Variants in ZNF248 observed in about 807,000 individuals in gnomAD.
ZNF248 encodes the protein KRAB protein domain.
ZNF248 carries 20 observed loss-of-function variants against 44.3 expected under a neutral mutation model. The ratio of observed to expected loss-of-function variants is 0.45; its 90% CI spans 0.32 to 0.66. ZNF248 has a LOEUF of 0.66. Among genes scored for constraint, ZNF248 ranks in the 30% least tolerant of loss-of-function variants. The pLI is 0.04. For missense variants in ZNF248, 654 were observed against 677.0 expected (o/e 0.97, Z 0.38); for synonymous variants, 224 against 229.0 (o/e 0.98, Z 0.20).
At chr10:37,785,289 A>C (rs1480882378) in intron 6 of ZNF248, among the ~76,000 whole-genome samples, 1 of 152,210 alleles carries the variant, frequency 6.6e-6, no homozygotes, top group Non-Finnish European at 1.5e-5. Flanking sequence ...TTTCAAAAGC[A>C]GCTCCTGTGT....
intron 1 of ZNF248, chr10:37,856,889 G>T: frequency 4.9e-6 from 1 of 204,484 alleles, no homozygotes; most frequent in Non-Finnish European, 8.6e-6. Context: ...TGCCTCTAAG[G>T]AATGACAAGA....
intron 6 of ZNF248, chr10:37,819,640 C>T (rs995069348): frequency 1.2e-6 from 1 of 810,102 alleles, no homozygotes; most frequent in Non-Finnish European, 2.2e-6. Context: ...CTAGCCTTTC[C>T]AGCTCTGCCT....
At chr10:37,814,992 T>C (rs897093625) in intron 6 of ZNF248, among the ~76,000 whole-genome samples, 2 of 152,236 alleles carry the variant, frequency 1.3e-5, no homozygotes, top group South Asian at 2.1e-4. Flanking sequence ...GCTTTCTCTA[T>C]CTGGCACTCC....
rs1564573152 is a variant in ZNF248, at chr10:37,832,159, T to G, written c.1196A>C (p.Gln399Pro). The G allele has an allele frequency of 6.2e-7, 1 of 1,614,130 alleles. No individual in the cohort carries two copies. Among genetic ancestry groups the G allele is most frequent in the Admixed American group, 1.7e-5 (1 of 60,012 alleles). Residue 399 changes from glutamine (Q) to proline (P), a missense_variant, in exon 6 of 6, where the codon CAG becomes CCG. Transcript: ENST00000395867. ...GGGCTTCTCTCCTGTGTGTGTTCTC[T>G]GATGTTGAGTGAGGTTTGACTTCTC... Reference protein sequence around the residue: ...FWEKSNLTQHQRTHTGEKPYE... With the variant: ...FWEKSNLTQHPRTHTGEKPYE...
At chr10:37,784,824 T>C (rs551789930) in intron 6 of ZNF248, among the ~76,000 whole-genome samples, 9 of 152,146 alleles carry the variant, frequency 5.9e-5, no homozygotes, top group African/African-American at 1.2e-4. Context: ...CTTGGTAAGA[T>C]AAGTGTTTGG....
Position 37,830,338 on chromosome 10 carries a change from C to T in ZNF248, c.*1277G>A, listed in dbSNP as rs2133852261. 1.0e-6 allele frequency: 1 copy of T among 985,302 alleles called. No homozygotes were observed. The highest frequency in any genetic ancestry group is 1.7e-5 in the African/African-American group (1 of 57,300). 61.0% of individuals were successfully genotyped at this position (985,302 alleles called of 1,614,324 possible). A position where few individuals can be genotyped will look rare whatever the true frequency, so the allele number is the denominator to read the frequency against. ...TAGTTCAATAATGGCCATATTCATG[C>T]ATATATGCCAGGAAACAGTCAGAGG... is the stretch of plus-strand genomic sequence containing the variant. On this transcript the variant is annotated 3_prime_UTR_variant, in exon 6 of 6. Transcript: ENST00000395867.
At chr10:37,845,072 A>G (rs972755685) in intron 3 of ZNF248, among the ~76,000 whole-genome samples, 3 of 78,496 alleles carry the variant, frequency 3.8e-5, no homozygotes, top group African/African-American at 1.6e-4. Context: ...CTGGAGTTCA[A>G]TGGCTCCAAC....
chr10:37,819,423 T>G, intron 6 of ZNF248: 1 of 1,565,598 alleles, frequency 6.4e-7, no homozygotes, highest in Non-Finnish European at 8.8e-7. Flanking sequence ...TTCTCATCTC[T>G]CCAGTTTTTA....
chr10:37,788,607 C>T (rs981241869), intron 6 of ZNF248, among the ~76,000 whole-genome samples: 6 of 152,060 alleles, frequency 3.9e-5, no homozygotes, highest in East Asian at 1.9e-4. Context: ...GGTGATGGAA[C>T]GAGACTCTGT....
At chr10:37,840,970 A>G (rs2058234346) in intron 3 of ZNF248, among the ~76,000 whole-genome samples, 1 of 152,198 alleles carries the variant, frequency 6.6e-6, no homozygotes, top group African/African-American at 2.4e-5. Flanking sequence ...CTCATGGCCA[A>G]GCTGAAGCAG....
chr10:37,819,686 C>T (rs959143758), intron 6 of ZNF248: 27 of 790,776 alleles, frequency 3.4e-5, no homozygotes, highest in Middle Eastern at 2.7e-4. Context: ...ATGACCTAAC[C>T]GGAGTTTGAA....
chr10:37,813,249 A>C (rs78532981), intron 6 of ZNF248, among the ~76,000 whole-genome samples: 1 of 152,240 alleles, frequency 6.6e-6, no homozygotes, highest in African/African-American at 2.4e-5. Flanking sequence ...GAAGGTTTCC[A>C]ATTATTTGAG....
At chr10:37,793,333 TA>T (rs904585639) in intron 6 of ZNF248, among the ~76,000 whole-genome samples, 45 of 151,394 alleles carry the variant, frequency 3.0e-4, no homozygotes, top group African/African-American at 1.0e-3. Flanking sequence ...AGACTCTGTC[TA>T]AAAAAAAATT....
At chr10:37,769,782 G>A in the ZNF248 span, among the ~76,000 whole-genome samples, 1 of 152,196 alleles carries the variant, frequency 6.6e-6, no homozygotes, top group African/African-American at 2.4e-5. Context: ...GGGCAATTAG[G>A]CAGGAGAAGA....
chr10:37,770,661 T>C, the ZNF248 span, among the ~76,000 whole-genome samples: 2 of 152,120 alleles, frequency 1.3e-5, no homozygotes, highest in Non-Finnish European at 2.9e-5. Context: ...CCTAAAACCA[T>C]AAAAACCCTA....
chr10:37,847,473 T>C (rs923121417), intron 3 of ZNF248, among the ~76,000 whole-genome samples: 21 of 152,244 alleles, frequency 1.4e-4, no homozygotes, highest in African/African-American at 5.1e-4. Flanking sequence ...GTATTGTGGT[T>C]AGGTAAGTAA....
At chr10:37,803,151 C>T (rs1292417439) in intron 6 of ZNF248, 1 of 152,158 alleles carries the variant, frequency 6.6e-6, no homozygotes, top group African/African-American at 2.4e-5. Context: ...GAGTATGCCA[C>T]TAACAAATGA....
downstream of ZNF248, among the ~76,000 whole-genome samples, chr10:37,827,973 T>G (rs1404871954): frequency 6.6e-6 from 1 of 152,182 alleles, no homozygotes; most frequent in Non-Finnish European, 1.5e-5. Flanking sequence ...TGGGAGTGAT[T>G]AGTCATTTCA....
At chr10:37,796,473 C>A (rs543474503) in intron 6 of ZNF248, among the ~76,000 whole-genome samples, 1 of 152,082 alleles carries the variant, frequency 6.6e-6, no homozygotes, top group South Asian at 2.1e-4. Flanking sequence ...CCCACCTCAG[C>A]CTCCGAAAGT....
Sources: gnomAD v4.1 joint callset for allele counts (sites outside exome capture counted in the v4.1 genomes callset) on GRCh38, gnomAD v4.1.1 for gene constraint, MANE v1.5 for transcripts, NCBI Gene and HGNC (gene_info 2026-07-23, HGNC 2026-07-21) for gene names.